Variants in NLGN1 observed in about 807,000 individuals in gnomAD.
NLGN1 encodes neuroligin-1.
A neutral mutation model predicts 65.5 loss-of-function variants in NLGN1; 12 were observed. The observed-to-expected ratio is 0.18, with a 90% CI of 0.12 to 0.30. The LOEUF (loss-of-function observed/expected upper bound fraction) is 0.30, where lower values mean the gene tolerates loss of function less well. Ranked by LOEUF, NLGN1 falls within the 10% of genes least tolerant of loss-of-function variation. The pLI, the probability that NLGN1 is intolerant of heterozygous loss-of-function variation, is 1.00. For missense variants in NLGN1, 750 were observed against 1,007.1 expected, an observed-to-expected ratio of 0.74 and a Z score of 3.46; for synonymous variants, 350 against 359.5, an observed-to-expected ratio of 0.97 and a Z score of 0.30.
chr3:173,436,602 A>G (rs1250118454), intron 2 of NLGN1, among the ~76,000 whole-genome samples: 1 of 152,240 alleles, frequency 6.6e-6, no homozygotes, highest in Non-Finnish European at 1.5e-5. Context: ...CAACCCAGCC[A>G]GATCCATGTT....
chr3:174,138,014 G>A (rs759138618), intron 4 of NLGN1, among the ~76,000 whole-genome samples: 6 of 152,050 alleles, frequency 3.9e-5, no homozygotes, highest in South Asian at 2.1e-4. Context: ...CATTTGACTC[G>A]AAGTTAGAAA....
At chr3:174,028,635 A>G (rs924809468) in intron 4 of NLGN1, among the ~76,000 whole-genome samples, 1 of 152,230 alleles carries the variant, frequency 6.6e-6, no homozygotes, top group Non-Finnish European at 1.5e-5. Context: ...CTTATGTTTA[A>G]AAGGGAAGCA....
intron 4 of NLGN1, among the ~76,000 whole-genome samples, chr3:174,088,390 A>G (rs557585850): frequency 9.9e-5 from 15 of 152,270 alleles, no homozygotes; most frequent in South Asian, 4.1e-4. Flanking sequence ...TATTGCCGCA[A>G]TTGAGGGCGT....
At chr3:173,423,157 A>G (rs1166419854) in intron 1 of NLGN1, among the ~76,000 whole-genome samples, 3 of 152,156 alleles carry the variant, frequency 2.0e-5, no homozygotes, top group Admixed American at 6.5e-5. Flanking sequence ...CTCTCTCACT[A>G]TCACAAGAAC....
chr3:174,265,052 T>C, intron 4 of NLGN1, among the ~76,000 whole-genome samples: 1 of 152,030 alleles, frequency 6.6e-6, no homozygotes, highest in South Asian at 2.1e-4. Flanking sequence ...GATCTCCAGC[T>C]GCGTGCTGGG....
intron 4 of NLGN1, among the ~76,000 whole-genome samples, chr3:174,107,090 C>T (rs1239353795): frequency 6.6e-6 from 1 of 150,422 alleles, no homozygotes; most frequent in Non-Finnish European, 1.5e-5. Flanking sequence ...TCCCCTACTT[C>T]AGTTGTCACA....
chr3:174,045,468 G>A (rs1733350747), intron 4 of NLGN1, among the ~76,000 whole-genome samples: 1 of 152,052 alleles, frequency 6.6e-6, no homozygotes, highest in Non-Finnish European at 1.5e-5. Flanking sequence ...TCACTTCCCA[G>A]GAGGCCTCTC....
chr3:173,840,084 A>G (rs1724502063), intron 4 of NLGN1, among the ~76,000 whole-genome samples: 4 of 152,296 alleles, frequency 2.6e-5, no homozygotes, highest in South Asian at 4.1e-4. Flanking sequence ...ATATGGCAAT[A>G]TATGTGACTC....
At chr3:174,092,986 A>G (rs1004249586) in intron 4 of NLGN1, among the ~76,000 whole-genome samples, 5 of 152,148 alleles carry the variant, frequency 3.3e-5, no homozygotes, top group Non-Finnish European at 7.4e-5. Context: ...CCCATAGCTC[A>G]TTGTCATTCC....
chr3:173,752,629 T>C (rs970360749), intron 3 of NLGN1, among the ~76,000 whole-genome samples: 15 of 152,088 alleles, frequency 9.9e-5, no homozygotes. Flanking sequence ...CCCTTACTCC[T>C]CTCTCTTTCT....
At chr3:174,259,332 C>T (rs1746397897) in intron 4 of NLGN1, among the ~76,000 whole-genome samples, 1 of 152,006 alleles carries the variant, frequency 6.6e-6, no homozygotes, top group South Asian at 2.1e-4. Context: ...ATCCTTGCTA[C>T]CTCTTTTATG....
chr3:173,833,639 C>T (rs1560461304), intron 4 of NLGN1, among the ~76,000 whole-genome samples: 2 of 152,048 alleles, frequency 1.3e-5, no homozygotes, highest in African/African-American at 2.4e-5. Flanking sequence ...CCCACCTCAG[C>T]CCCCCAGTGG....
intron 3 of NLGN1, among the ~76,000 whole-genome samples, chr3:173,690,636 G>A (rs562280169): frequency 2.6e-5 from 4 of 152,256 alleles, no homozygotes; most frequent in African/African-American, 9.6e-5. Flanking sequence ...TTCCGTAGAA[G>A]CTCTTAGTGT....
intron 2 of NLGN1, among the ~76,000 whole-genome samples, chr3:173,466,069 A>G (rs1428505838): frequency 1.3e-5 from 2 of 152,198 alleles, no homozygotes; most frequent in Non-Finnish European, 2.9e-5. Flanking sequence ...CTGAAAGTTC[A>G]AGTTAGGATG....
intron 2 of NLGN1, among the ~76,000 whole-genome samples, chr3:173,513,840 A>G (rs1733383724): frequency 6.6e-6 from 1 of 152,036 alleles, no homozygotes; most frequent in African/African-American, 2.4e-5. Flanking sequence ...AGCCTGGCCA[A>G]CATGGTGAAA....
chr3:173,660,867 T>A (rs1463069220), intron 3 of NLGN1, among the ~76,000 whole-genome samples: 2 of 151,992 alleles, frequency 1.3e-5, no homozygotes. Flanking sequence ...GGATGCACCA[T>A]GGTGTGCTGA....
At chr3:173,641,810 C>T (rs1011005685) in intron 3 of NLGN1, among the ~76,000 whole-genome samples, 1 of 152,098 alleles carries the variant, frequency 6.6e-6, no homozygotes. Context: ...CAATCTACTT[C>T]CTGGTTTTGT....
At chr3:173,609,787 T>C (rs1209427730) in intron 3 of NLGN1, among the ~76,000 whole-genome samples, 3 of 151,644 alleles carry the variant, frequency 2.0e-5, no homozygotes, top group Admixed American at 1.3e-4. Context: ...AAAAACTAAA[T>C]TAAAAAGGTG....
chr3:174,256,184 G>T (rs1446942637), intron 4 of NLGN1, among the ~76,000 whole-genome samples: 1 of 151,984 alleles, frequency 6.6e-6, no homozygotes. Flanking sequence ...TTATTCCATG[G>T]AAATTAAGCT....
Sources: gnomAD v4.1 joint callset for allele counts (sites outside exome capture counted in the v4.1 genomes callset) on GRCh38, gnomAD v4.1.1 for gene constraint, MANE v1.5 for transcripts, NCBI Gene and HGNC (gene_info 2026-07-23, HGNC 2026-07-21) for gene names.